Variants in CCDC91 observed in about 807,000 individuals in gnomAD.
The protein encoded by CCDC91 is coiled-coil domain-containing protein 91.
In CCDC91, 48 loss-of-function variants were observed where a neutral mutation model predicts 63.2. The observed-to-expected ratio is 0.76, with a 90% confidence interval of 0.60 to 0.97. CCDC91 has a LOEUF of 0.97. CCDC91 is among the 50% of genes least tolerant of loss of function. CCDC91 has a pLI of 0.00. For synonymous variants in CCDC91, 167 were observed against 165.8 expected, an observed-to-expected ratio of 1.01 and a Z score of -0.06; for missense variants, 500 against 494.6, an observed-to-expected ratio of 1.01 and a Z score of -0.10.
intron 6 of CCDC91, among the ~76,000 whole-genome samples, chr12:28,315,669 C>T (rs924159619): frequency 2.0e-5 from 3 of 151,940 alleles, no homozygotes; most frequent in African/African-American, 7.2e-5. Context: ...TAGTGGCTGA[C>T]ACCAGTTAAT....
At chr12:28,301,985 A>G (rs575720760) in intron 3 of CCDC91, among the ~76,000 whole-genome samples, 2 of 151,666 alleles carry the variant, frequency 1.3e-5, no homozygotes, top group South Asian at 4.2e-4. Flanking sequence ...CAGGATTTTG[A>G]TTAGTTATAT....
chr12:28,417,522 A>G (rs1224604320), intron 8 of CCDC91, among the ~76,000 whole-genome samples: 1 of 150,684 alleles, frequency 6.6e-6, no homozygotes, highest in African/African-American at 2.4e-5. Context: ...TTGTTTTAGT[A>G]TTTTTCTTTT....
chr12:28,244,494 C>CTTTT (rs3064681), intron 1 of CCDC91, among the ~76,000 whole-genome samples: 776 of 38,432 alleles, frequency 0.02, 197 homozygotes, highest in African/African-American at 0.061. Flanking sequence ...TAGAAGAAGG[C>CTTTT]TTTTTTTTTT....
At chr12:28,354,819 C>T (rs568167409) in intron 6 of CCDC91, among the ~76,000 whole-genome samples, 17 of 152,104 alleles carry the variant, frequency 1.1e-4, no homozygotes, top group Admixed American at 9.2e-4. Flanking sequence ...TCTTATTGAT[C>T]GGGACGTTTG....
intron 11 of CCDC91, among the ~76,000 whole-genome samples, chr12:28,478,866 T>G (rs557908136): frequency 1.3e-5 from 2 of 152,242 alleles, no homozygotes; most frequent in African/African-American, 4.8e-5. Flanking sequence ...GAAAAAATGC[T>G]CATCATCACT....
chr12:28,293,181 CTCAT>C (rs1296631341), intron 3 of CCDC91, among the ~76,000 whole-genome samples: 11 of 151,990 alleles, frequency 7.2e-5, no homozygotes, highest in Non-Finnish European at 1.5e-4. Context: ...ACAGAAGAAG[CTCAT>C]TCAGAGAATA....
chr12:28,446,769 A>G (rs773314947), intron 8 of CCDC91, among the ~76,000 whole-genome samples: 2 of 152,156 alleles, frequency 1.3e-5, no homozygotes, highest in African/African-American at 2.4e-5. Context: ...GCGGCCTCAA[A>G]AAACTATAAT....
At chr12:28,382,234 C>A (rs940621536) in intron 7 of CCDC91, among the ~76,000 whole-genome samples, 3 of 151,312 alleles carry the variant, frequency 2.0e-5, no homozygotes, top group African/African-American at 7.3e-5. Flanking sequence ...TCTTTGAGAT[C>A]TATATTTTAT....
intron 1 of CCDC91, among the ~76,000 whole-genome samples, chr12:28,223,038 A>G (rs1230277869): frequency 6.6e-6 from 1 of 152,150 alleles, no homozygotes; most frequent in African/African-American, 2.4e-5. Flanking sequence ...TGACAAGGTG[A>G]GCTTCGCCAG....
At chr12:28,407,757 A>G (rs1947042746) in intron 8 of CCDC91, among the ~76,000 whole-genome samples, 1 of 152,020 alleles carries the variant, frequency 6.6e-6, no homozygotes. Context: ...GGTCTTCCTT[A>G]ATTTCCCTCA....
intron 1 of CCDC91, among the ~76,000 whole-genome samples, chr12:28,237,377 G>A (rs1227141594): frequency 6.6e-6 from 1 of 152,100 alleles, no homozygotes; most frequent in African/African-American, 2.4e-5. Flanking sequence ...ATATGGTTAA[G>A]TTAAGGGTCT....
intron 8 of CCDC91, among the ~76,000 whole-genome samples, chr12:28,410,866 C>T (rs139063556): frequency 3.3e-5 from 5 of 152,172 alleles, no homozygotes; most frequent in Middle Eastern, 3.4e-3. Context: ...TGATTATTGA[C>T]GTTTTTTCAT....
intron 7 of CCDC91, among the ~76,000 whole-genome samples, chr12:28,376,376 C>T (rs1944947412): frequency 6.6e-6 from 1 of 151,352 alleles, no homozygotes; most frequent in Non-Finnish European, 1.5e-5. Context: ...CTAACAGAAA[C>T]CAAATGAGTG....
intron 1 of CCDC91, among the ~76,000 whole-genome samples, chr12:28,237,546 TTAGAG>T (rs1486424878): frequency 6.6e-6 from 1 of 152,030 alleles, no homozygotes; most frequent in South Asian, 2.1e-4. Flanking sequence ...GCCTTGAACA[TTAGAG>T]TGATGAGGCT....
chr12:28,302,889 A>G (rs1202276528), intron 3 of CCDC91: 2 of 152,242 alleles, frequency 1.3e-5, no homozygotes, highest in Non-Finnish European at 2.9e-5. Context: ...AGAGGTGGTA[A>G]TTTGAAGAGT....
chr12:28,524,298 T>C (rs1344837680), intron 12 of CCDC91, among the ~76,000 whole-genome samples: 1 of 152,166 alleles, frequency 6.6e-6, no homozygotes, highest in Non-Finnish European at 1.5e-5. Context: ...GCATGTCCCT[T>C]GTATGCCAAT....
chr12:28,300,821 C>T (rs1483415879), intron 3 of CCDC91, among the ~76,000 whole-genome samples: 1 of 151,390 alleles, frequency 6.6e-6, no homozygotes, highest in Non-Finnish European at 1.5e-5. Flanking sequence ...ACATTTCTTG[C>T]TAAATTTATT....
intron 3 of CCDC91, among the ~76,000 whole-genome samples, chr12:28,278,646 T>C (rs1948401699): frequency 6.6e-6 from 1 of 152,104 alleles, no homozygotes; most frequent in Non-Finnish European, 1.5e-5. Flanking sequence ...TCATGTTCCT[T>C]TTGAACTCTT....
chr12:28,274,748 C>T (rs937762619), intron 3 of CCDC91, among the ~76,000 whole-genome samples: 6 of 152,012 alleles, frequency 3.9e-5, no homozygotes, highest in South Asian at 2.1e-4. Flanking sequence ...TGGGCTGAGA[C>T]GATGGAGTTT....
Sources: gnomAD v4.1 joint callset for allele counts (sites outside exome capture counted in the v4.1 genomes callset) on GRCh38, gnomAD v4.1.1 for gene constraint, MANE v1.5 for transcripts, NCBI Gene and HGNC (gene_info 2026-07-23, HGNC 2026-07-21) for gene names.